COL19A1: variants seen among roughly 807,000 people sequenced by gnomAD.
COL19A1 encodes the protein collagen type XIX alpha 1 chain.
COL19A1 carries 159 observed loss-of-function variants against 190.2 expected under a neutral mutation model. The ratio of observed to expected loss-of-function variants is 0.84; its 90% CI spans 0.73 to 0.95. The LOEUF (loss-of-function observed/expected upper bound fraction) is 0.95. Ranked by LOEUF, COL19A1 falls within the 40% of genes least tolerant of loss-of-function variation. The pLI is 0.00. For synonymous variants in COL19A1, 509 were observed against 458.9 expected (o/e 1.11, Z -1.39); for missense variants, 1,418 against 1,431.9 (o/e 0.99, Z 0.16).
intron 15 of COL19A1, among the ~76,000 whole-genome samples, chr6:70,086,116 G>A (rs1355063745): frequency 1.3e-5 from 2 of 152,048 alleles, no homozygotes; most frequent in African/African-American, 4.8e-5. Context: ...AAAACTAATT[G>A]AGGCTTTGCC....
intron 48 of COL19A1, among the ~76,000 whole-genome samples, chr6:70,196,868 A>G (rs628028): frequency 0.057 from 8,644 of 152,236 alleles, 831 homozygotes; most frequent in African/African-American, 0.19. Flanking sequence ...GCTCTGAAAC[A>G]TATTATTGTA....
At chr6:70,049,886 C>G (rs1163206945) in intron 14 of COL19A1, among the ~76,000 whole-genome samples, 1 of 152,038 alleles carries the variant, frequency 6.6e-6, no homozygotes, top group Non-Finnish European at 1.5e-5. Flanking sequence ...CAATTCTATT[C>G]TAAGCATTTA....
chr6:70,185,246 C>G (rs1284843225), intron 46 of COL19A1, among the ~76,000 whole-genome samples: 2 of 152,166 alleles, frequency 1.3e-5, no homozygotes, highest in African/African-American at 4.8e-5. Flanking sequence ...GTTTCTCAAC[C>G]TCAGCACTGT....
At chr6:70,178,050 CTGATA>C (rs1216171439) in intron 42 of COL19A1, among the ~76,000 whole-genome samples, 1 of 152,054 alleles carries the variant, frequency 6.6e-6, no homozygotes, top group Non-Finnish European at 1.5e-5. Flanking sequence ...TGTCTAAGAT[CTGATA>C]TATTTACTAA....
chr6:70,188,320 T>C, intron 47 of COL19A1, 75 bp downstream of exon 47: 2 of 1,463,514 alleles, frequency 1.4e-6, no homozygotes, highest in African/African-American at 2.8e-5. Context: ...AAAGCAATGA[T>C]ACTGCCTTTC....
At chr6:70,035,213 T>G (rs1037500319) in intron 13 of COL19A1, among the ~76,000 whole-genome samples, 1 of 152,196 alleles carries the variant, frequency 6.6e-6, no homozygotes, top group Non-Finnish European at 1.5e-5. Context: ...TTGAGAGTTC[T>G]TAAGAAATAA....
At chr6:69,926,492 T>C (rs1045016879) in intron 4 of COL19A1, among the ~76,000 whole-genome samples, 1 of 151,934 alleles carries the variant, frequency 6.6e-6, no homozygotes, top group Admixed American at 6.6e-5. Flanking sequence ...AATAGAAAAG[T>C]ATAAAACAGA....
chr6:70,008,050 G>T (rs1019101443), intron 11 of COL19A1, among the ~76,000 whole-genome samples: 4 of 151,844 alleles, frequency 2.6e-5, no homozygotes, highest in Non-Finnish European at 5.9e-5. Context: ...AAGTTTAGTT[G>T]TATAGATTTA....
At chr6:69,911,280 T>A (rs907337870) in intron 4 of COL19A1, among the ~76,000 whole-genome samples, 10 of 152,170 alleles carry the variant, frequency 6.6e-5, no homozygotes, top group Non-Finnish European at 1.5e-5. Context: ...AAAATAAACA[T>A]GGTAGCAGAA....
At chr6:70,153,129 A>G (rs1417270663) in intron 31 of COL19A1, among the ~76,000 whole-genome samples, 1 of 152,142 alleles carries the variant, frequency 6.6e-6, no homozygotes, top group Non-Finnish European at 1.5e-5. Flanking sequence ...AAGGGGAGGT[A>G]TGTAGTTCCC....
chr6:69,995,907 G>A (rs1776877742), intron 11 of COL19A1, among the ~76,000 whole-genome samples: 1 of 152,138 alleles, frequency 6.6e-6, no homozygotes, highest in Admixed American at 6.6e-5. Context: ...AATGCAATTA[G>A]GTGAGGAATC....
chr6:69,982,959 G>A (rs558921204), intron 11 of COL19A1, among the ~76,000 whole-genome samples: 27 of 149,506 alleles, frequency 1.8e-4, no homozygotes, highest in Middle Eastern at 6.9e-3. Context: ...GCAACAGAGC[G>A]AGACTCTGTC....
At chr6:69,917,849 C>T (rs535821836) in intron 4 of COL19A1, among the ~76,000 whole-genome samples, 40 of 152,156 alleles carry the variant, frequency 2.6e-4, no homozygotes, top group African/African-American at 9.6e-4. Flanking sequence ...AAAAAAATCT[C>T]ATAATGTTTT....
intron 17 of COL19A1, among the ~76,000 whole-genome samples, chr6:70,127,697 A>C (rs1196876082): frequency 6.6e-6 from 1 of 152,198 alleles, no homozygotes; most frequent in African/African-American, 2.4e-5. Flanking sequence ...GGTGGCAGAC[A>C]TCAGAAGAGT....
At chr6:70,114,794 T>C (rs962573505) in intron 16 of COL19A1, among the ~76,000 whole-genome samples, 1 of 152,230 alleles carries the variant, frequency 6.6e-6, no homozygotes, top group Admixed American at 6.5e-5. Flanking sequence ...CCTAAATATA[T>C]GCATATACAT....
intron 11 of COL19A1, among the ~76,000 whole-genome samples, chr6:69,986,641 G>A (rs576764464): frequency 1.3e-5 from 2 of 152,108 alleles, no homozygotes; most frequent in African/African-American, 2.4e-5. Flanking sequence ...TATCTAGAAC[G>A]AACTTCTGGG....
At chr6:70,061,206 T>C (rs1780810429) in intron 14 of COL19A1, among the ~76,000 whole-genome samples, 2 of 152,176 alleles carry the variant, frequency 1.3e-5, no homozygotes, top group African/African-American at 4.8e-5. Flanking sequence ...GATTGATCTG[T>C]GTTTTACTAA....
chr6:70,169,703 C>G (rs1192358775), intron 40 of COL19A1, among the ~76,000 whole-genome samples: 1 of 152,128 alleles, frequency 6.6e-6, no homozygotes, highest in Non-Finnish European at 1.5e-5. Context: ...TTTTACTATT[C>G]ATTCACCCTG....
intron 14 of COL19A1, among the ~76,000 whole-genome samples, chr6:70,063,407 G>T (rs571913758): frequency 2.6e-5 from 4 of 152,264 alleles, no homozygotes; most frequent in East Asian, 3.9e-4. Context: ...AATGAAGACA[G>T]AAATAAAGAT....
Sources: allele counts gnomAD v4.1 joint callset (sites outside exome capture counted in the v4.1 genomes callset), GRCh38; gene constraint gnomAD v4.1.1; transcripts MANE v1.5; gene names NCBI Gene and HGNC (gene_info 2026-07-23, HGNC 2026-07-21).